The following MIB2 variants were observed in gnomAD, a reference collection of about 807,000 sequenced individuals.
MIB2 encodes E3 ubiquitin-protein ligase MIB2.
Under a neutral mutation model 96.6 loss-of-function variants are expected in MIB2, and 78 were observed. The observed-to-expected ratio is 0.81, with a 90% CI of 0.67 to 0.97. The LOEUF is 0.97. MIB2 is among the 50% of genes least tolerant of loss of function. MIB2 has a pLI of 0.00. For synonymous variants in MIB2, 820 were observed against 629.5 expected (o/e 1.30, Z -4.53); for missense variants, 1,543 against 1,424.0 (o/e 1.08, Z -1.35).
Position 1,628,321 on chromosome 1 carries a change from G to C in MIB2, c.1890G>C (p.Lys630Asn). Residue 630 changes from lysine (K) to asparagine (N), a missense_variant, in exon 15 of 20, where the codon AAG becomes AAC. Transcript: ENST00000355826. ...GGGCGCGGCAGCTGGTGGACGCCAA[G>C]AAGGAGGACGGCTTCACGGCGCTGC... is the stretch of plus-strand genomic sequence containing the variant. The part of the protein sequence containing the change: ...LARARQLVDA[K>N]KEDGFTALHL... 1 of 1,612,890 alleles carries C rather than the reference G, an allele frequency of 6.2e-7. No individual in the cohort carries two copies. The highest frequency in any genetic ancestry group is 8.5e-7 in the Non-Finnish European group (1 of 1,179,934).
chr1:1,629,565 G>A lies in MIB2; in HGVS notation c.2562G>A (p.Glu854=), dbSNP rs1281042656. 2.6e-6 allele frequency: 4 copies of A among 1,547,130 alleles called. No individual in the cohort carries two copies. Among genetic ancestry groups the A allele is most frequent in the African/African-American group, 1.4e-5 (1 of 72,888 alleles). Residue 854 remains glutamate, a splice_region_variant and synonymous_variant, in exon 18 of 20, where the codon GAG becomes GAA. Coordinates refer to ENST00000355826, the MANE Select transcript of MIB2 (RefSeq NM_001170687.4). ...FSPCQHRTVC[E]ECARRMKKCI... ...CGTGCCAGCACCGCACCGTGTGTGA[G>A]GGTGAGTGGGGGGCCCCGGGGTGGG...
Position 1,623,573 on chromosome 1 carries a change from C to T in MIB2, c.121C>T (p.Arg41Cys), listed in dbSNP as rs775658993. ...GGVGTVVELG[R>C]HGSPSTPDRT... Reference sequence around the variant, plus strand: ...CGTGGGCACGGTGGTGGAGCTTGGCCGCCACGGCAGCCCCTCGACACCCGA... The same window carrying T: ...CGTGGGCACGGTGGTGGAGCTTGGCTGCCACGGCAGCCCCTCGACACCCGA... Residue 41 changes from arginine (R) to cysteine (C), a missense_variant, in exon 3 of 20, where the codon CGC becomes TGC. By Grantham distance (180) the Arg-to-Cys change is radical. Transcript: ENST00000355826. 3.3e-5 allele frequency: 50 copies of T among 1,518,216 alleles called. No homozygotes were observed. The Admixed American group carries it at 5.3e-4, about 16-fold the overall frequency. The allele number at this position is 1,518,216 out of a possible 1,614,324, so 94.0% of individuals were successfully genotyped here.
At chr1:1,624,332 C>CT in intron 4 of MIB2, 1 of 379,338 alleles carries the variant, frequency 2.6e-6, no homozygotes, top group South Asian at 2.7e-5. Flanking sequence ...CATTTGTCAC[C>CT]TTTGTCTCTG....
intron 4 of MIB2, chr1:1,624,287 G>A (rs1644534654): frequency 7.2e-6 from 3 of 415,914 alleles, no homozygotes; most frequent in East Asian, 4.6e-5. Flanking sequence ...GCCTGCTTGG[G>A]GCAAGGACAG....
intron 2 of MIB2, chr1:1,617,863 G>C (rs1355384907): frequency 6.6e-6 from 1 of 152,264 alleles, no homozygotes; most frequent in East Asian, 1.9e-4. Context: ...ACTGTGGGTA[G>C]ATGGCAAAGT....
chr1:1,625,660 G>A lies in MIB2; in HGVS notation c.972+7G>A. The A allele has an allele frequency of 6.4e-7, 1 of 1,551,770 alleles. No homozygotes were observed. The highest frequency in any genetic ancestry group is 8.7e-7 in the Non-Finnish European group (1 of 1,147,172). ...CCCCGGGGCGCTCACCAAGGTGCCG[G>A]GGGGGCTGGGCTGCGCCTCATCTGC... is the stretch of plus-strand genomic sequence containing the variant. On this transcript the variant is annotated splice_region_variant and intron_variant, in intron 8 of 19. Transcript: ENST00000355826. The surrounding 1 kb of genome is among the most constrained non-coding windows in gnomAD (Gnocchi z 5.0).
In MIB2 at chr1:1,624,910, AGG is replaced by A. The variant is rs1373375250; in HGVS notation, c.526+10_526+11del. 2 of 1,611,592 alleles carry A rather than the reference AGG, an allele frequency of 1.2e-6. No homozygotes were observed. The highest frequency in any genetic ancestry group is 3.3e-5 in the Admixed American group (2 of 59,952). ...GTGGGGCTCACAGGATGGTGAGTGGAGGCAGAGGGGCGGGGTCAGGGCTGGGC... is the reference window on the plus strand; with the variant it reads ...GTGGGGCTCACAGGATGGTGAGTGGACAGAGGGGCGGGGTCAGGGCTGGGC... On this transcript the variant is annotated intron_variant, in intron 5 of 19. Coordinates refer to ENST00000355826, the MANE Select transcript of MIB2 (RefSeq NM_001170687.4).
Position 1,629,441 on chromosome 1 carries a change from C to G in MIB2, c.2438C>G (p.Pro813Arg). The change falls in exon 18 of 20, where the codon CCC (proline) becomes CGC (arginine). Residue 813 changes from proline (P) to arginine (R), a missense_variant. Physicochemically the swap from Pro to Arg is moderately radical, Grantham distance 103. Transcript: ENST00000355826. ...GGCCCCAGGCAAACGCTCGGGACCC[C>G]CAACACCGTGACGAACCTGCACGTG... ...APGPRQTLGT[P>R]NTVTNLHVGA... 1 of 1,529,684 alleles carries G rather than the reference C, an allele frequency of 6.5e-7. No homozygotes were observed. Among genetic ancestry groups the G allele is most frequent in the Non-Finnish European group, 8.7e-7 (1 of 1,144,764 alleles). 94.8% of individuals were successfully genotyped at this position (1,529,684 alleles called of 1,614,324 possible).
At chr1:1,617,087 T>A (rs1643810721) in intron 2 of MIB2, 1 of 170,078 alleles carries the variant, frequency 5.9e-6, no homozygotes, top group Non-Finnish European at 1.3e-5. Context: ...GGTGTCTCCA[T>A]GCTGGCCTCC....
Position 1,627,076 on chromosome 1 carries a change from T to C in MIB2, c.1243T>C (p.Ser415Pro). 1.2e-6 allele frequency: 2 copies of C among 1,600,122 alleles called. No homozygotes were observed. Among genetic ancestry groups the C allele is most frequent in the Non-Finnish European group, 1.7e-6 (2 of 1,173,838 alleles). The change falls in exon 11 of 20, where the codon TCA (serine) becomes CCA (proline). Residue 415 changes from serine to proline, a missense_variant and splice_region_variant. Transcript: ENST00000355826. The part of the protein sequence containing the change: ...VAERARENKS[S>P]LSVALDKLRA... ...ACTAACCTCAGCCCTGCCCCCAGGC[T>C]CACTGAGCGTGGCCCTGGACAAGCT...
Position 1,625,413 on chromosome 1 carries a change from C to G in MIB2, c.849C>G (p.Asn283Lys). The change falls in exon 7 of 20, where the codon AAC (asparagine) becomes AAG (lysine). Residue 283 changes from asparagine (N) to lysine (K), a missense_variant. By Grantham distance (94) the Asn-to-Lys change is moderately conservative. Coordinates refer to ENST00000355826, the MANE Select transcript of MIB2 (RefSeq NM_001170687.4). This position sits in a 1 kb window ranked among gnomAD's most constrained non-coding sequence, Gnocchi z 5.0. ...TGCAGGAAGGCCACGGCGGCTGGAA[C>G]CCCAGGATGGCGGAGGTGAGCCGCC... ...REMQEGHGGW[N>K]PRMAEFIGQT... The G allele has an allele frequency of 1.2e-5, 19 of 1,575,436 alleles. No homozygotes were observed. The highest frequency in any genetic ancestry group is 1.5e-5 in the Non-Finnish European group (18 of 1,162,906).
intron 2 of MIB2, among the ~76,000 whole-genome samples, chr1:1,622,191 C>T (rs1644320769): frequency 6.6e-6 from 1 of 152,220 alleles, no homozygotes; most frequent in Non-Finnish European, 1.5e-5. Context: ...CTGCTTCAGG[C>T]AGTGTTCCTG....
Position 1,628,340 on chromosome 1 carries a change from G to A in MIB2, c.1909G>A (p.Ala637Thr). ...CGCCAAGAAGGAGGACGGCTTCACGGCGCTGCATCTGGCTGCCCTCAACAA... is the reference window on the plus strand; with the variant it reads ...CGCCAAGAAGGAGGACGGCTTCACGACGCTGCATCTGGCTGCCCTCAACAA... ...VDAKKEDGFT[A>T]LHLAALNNHR... The change falls in exon 15 of 20, where the codon GCG becomes ACG. Residue 637 changes from alanine (A) to threonine (T), a missense_variant. By Grantham distance (58) the Ala-to-Thr change is moderately conservative. Transcript: ENST00000355826. 6.2e-7 allele frequency: 1 copy of A among 1,612,896 alleles called. No homozygotes were observed. Among genetic ancestry groups the A allele is most frequent in the Non-Finnish European group, 8.5e-7 (1 of 1,179,940 alleles).
Position 1,629,382 on chromosome 1 carries a change from C to T in MIB2, c.2382-3C>T, listed in dbSNP as rs752418058. On this transcript the variant is annotated splice_polypyrimidine_tract_variant and splice_region_variant and intron_variant, in intron 17 of 19. Coordinates refer to ENST00000355826, the MANE Select transcript of MIB2 (RefSeq NM_001170687.4). ...CCTCTCAAGCCGCCTCCTCCCCCTG[C>T]AGGGAGCGGCAGGCGGGCGGGGGCG... is the stretch of plus-strand genomic sequence containing the variant. The T allele has an allele frequency of 1.4e-6, 2 of 1,442,836 alleles. No homozygotes were observed. The highest frequency in any genetic ancestry group is 1.8e-6 in the Non-Finnish European group (2 of 1,111,568). The allele number at this position is 1,442,836 out of a possible 1,614,324, so 89.4% of individuals were successfully genotyped here.
intron 4 of MIB2, 43 bp from the exon 5 acceptor site, chr1:1,624,752 G>A: frequency 1.3e-6 from 2 of 1,563,268 alleles, no homozygotes; most frequent in South Asian, 1.1e-5. Context: ...GGGAAGAGAT[G>A]GCGGTTTTCT....
intron 1 of MIB2, chr1:1,615,925 C>T (rs1352084334): frequency 4.6e-5 from 46 of 993,940 alleles, no homozygotes; most frequent in Non-Finnish European, 5.5e-5. Context: ...TCGTCCGGGC[C>T]GGGTGGGCTG....
At position 1,629,630 on chromosome 1, in the gene MIB2, T is replaced by G. The variant is rs1446420793; in HGVS notation, c.2564-9T>G. 1 of 1,586,402 alleles carries G rather than the reference T, an allele frequency of 6.3e-7. No individual in the cohort carries two copies. The highest frequency in any genetic ancestry group is 8.6e-7 in the Non-Finnish European group (1 of 1,167,040). On this transcript the variant is annotated splice_polypyrimidine_tract_variant and intron_variant, in intron 18 of 19. Coordinates refer to ENST00000355826, the MANE Select transcript of MIB2 (RefSeq NM_001170687.4). Reference sequence around the variant, plus strand: ...AGGGCCGCAGCCAACCGCGCTCTCCTCTTCGCAGAGTGCGCGCGCAGGATG... The same window carrying G: ...AGGGCCGCAGCCAACCGCGCTCTCCGCTTCGCAGAGTGCGCGCGCAGGATG...
chr1:1,628,244 G>C (rs764116451), intron 14 of MIB2, 29 bp from the exon 15 acceptor site: 2 of 1,612,790 alleles, frequency 1.2e-6, no homozygotes, highest in Non-Finnish European at 1.7e-6. Context: ...GGCAGTCCCA[G>C]GTCCCAGACC....
At chr1:1,623,320 T>C in intron 2 of MIB2, 111 bp from the exon 3 acceptor site, 1 of 1,474,044 alleles carries the variant, frequency 6.8e-7, no homozygotes, top group South Asian at 1.4e-5. Flanking sequence ...TGGGCCTCTC[T>C]GCTCTCCCGC....
Sources: gnomAD v4.1 joint callset for allele counts (sites outside exome capture counted in the v4.1 genomes callset) on GRCh38, gnomAD v4.1.1 for gene constraint, Gnocchi (gnomAD v3.1) non-coding constraint, MANE v1.5 for transcripts, NCBI Gene and HGNC (gene_info 2026-07-23, HGNC 2026-07-21) for gene names.